Variants in NELL2 observed in about 807,000 individuals in gnomAD.
The protein encoded by NELL2 is protein kinase C-binding protein NELL2.
A neutral mutation model predicts 109.6 loss-of-function variants in NELL2; 41 were observed. That is an observed-to-expected ratio of 0.37 (90% CI 0.29 to 0.49). NELL2 has a LOEUF of 0.49. Among genes scored for constraint, NELL2 ranks in the 20% least tolerant of loss-of-function variants. The pLI, the probability that NELL2 is intolerant of heterozygous loss-of-function variation, is 0.98. For missense variants in NELL2, 900 were observed against 1,008.3 expected (o/e 0.89, Z 1.45); for synonymous variants, 355 against 344.7 (o/e 1.03, Z -0.33).
chr12:44,608,016 G>A (rs1307033705), intron 14 of NELL2, among the ~76,000 whole-genome samples: 1 of 152,056 alleles, frequency 6.6e-6, no homozygotes, highest in African/African-American at 2.4e-5. Context: ...ATAAAAGAAG[G>A]AGAGAAGAGC....
At chr12:44,876,657 C>T, upstream of NELL2, 1 of 1,551,354 alleles carries the variant, frequency 6.4e-7, no homozygotes, top group Non-Finnish European at 8.7e-7. Context: ...AAAAGACCAC[C>T]CAGCTGCAGG....
At chr12:44,817,602 T>C (rs1001438248) in intron 2 of NELL2, among the ~76,000 whole-genome samples, 1 of 151,872 alleles carries the variant, frequency 6.6e-6, no homozygotes, top group African/African-American at 2.4e-5. Flanking sequence ...ATACCAGACA[T>C]AGGAAAAGCT....
chr12:44,749,743 G>A lies in NELL2; in HGVS notation c.994+25004C>T, dbSNP rs563326137. 1.3e-3 allele frequency among the ~76,000 whole-genome samples: 195 copies of A among 152,246 alleles called. 1 individual carries two copies. Among genetic ancestry groups the A allele is most frequent in the African/African-American group, 4.2e-3 (175 of 41,546 alleles). On this transcript the variant is annotated intron_variant, in intron 9 of 19. Coordinates refer to ENST00000429094, the MANE Select transcript of NELL2 (RefSeq NM_001145108.2). Reference sequence around the variant, plus strand: ...GGCGTTCTTACAGCAATGGCAAACTGTGACATGAGAAGAGAAGAGGTGATG... The same window carrying A: ...GGCGTTCTTACAGCAATGGCAAACTATGACATGAGAAGAGAAGAGGTGATG...
intron 15 of NELL2, among the ~76,000 whole-genome samples, chr12:44,584,723 T>C (rs1389355054): frequency 6.6e-6 from 1 of 152,192 alleles, no homozygotes; most frequent in Non-Finnish European, 1.5e-5. Flanking sequence ...AAATCCATGT[T>C]GCTATAAATT....
chr12:44,844,413 C>A (rs978883612), intron 2 of NELL2, among the ~76,000 whole-genome samples: 2 of 152,150 alleles, frequency 1.3e-5, no homozygotes, highest in Non-Finnish European at 2.9e-5. Context: ...AAAAACATTA[C>A]GGAGAACAAA....
chr12:44,815,468 GAGGAATTC>G (rs1313122468), intron 3 of NELL2, among the ~76,000 whole-genome samples: 3 of 152,190 alleles, frequency 2.0e-5, no homozygotes, highest in Non-Finnish European at 4.4e-5. Flanking sequence ...TATACCTCTT[GAGGAATTC>G]AGTAATGAAT....
At chr12:44,875,379 G>C in intron 1 of NELL2, 26 bp from the exon 2 acceptor site, 2 of 1,613,872 alleles carry the variant, frequency 1.2e-6, no homozygotes, top group Non-Finnish European at 1.7e-6. Flanking sequence ...AGGTGGGAGA[G>C]AGAAAAAGGA....
Position 44,681,958 on chromosome 12 carries a change from C to G in NELL2, c.1319-16349G>C, listed in dbSNP as rs370623542. ...AGTAATGGGATGGCTGGGTCAAATG[C>G]TATTTCTAGTTCTAGATCCCTGAGG... On this transcript the variant is annotated intron_variant, in intron 12 of 19. Coordinates refer to ENST00000429094, the MANE Select transcript of NELL2 (RefSeq NM_001145108.2). Among the ~76,000 whole-genome samples, 137 of 151,788 alleles carry G rather than the reference C, an allele frequency of 9.0e-4. 1 individual carries two copies. Among genetic ancestry groups the G allele is most frequent in the African/African-American group, 2.7e-3 (112 of 41,120 alleles).
intron 15 of NELL2, among the ~76,000 whole-genome samples, chr12:44,550,488 G>A (rs1389449867): frequency 2.0e-5 from 3 of 149,634 alleles, no homozygotes; most frequent in Non-Finnish European, 4.4e-5. Context: ...AGGTTGCAGA[G>A]AGCTGAGACT....
chr12:44,711,251 T>G, intron 11 of NELL2, 41 bp downstream of exon 11: 1 of 1,419,042 alleles, frequency 7.0e-7, no homozygotes, highest in Non-Finnish European at 1.0e-6. Context: ...CCTACTATAA[T>G]AACTCTTGCA....
intron 15 of NELL2, among the ~76,000 whole-genome samples, chr12:44,535,067 T>C (rs1233607544): frequency 6.6e-6 from 1 of 152,034 alleles, no homozygotes; most frequent in Non-Finnish European, 1.5e-5. Context: ...ATATACTCCA[T>C]AAAGTTTAAT....
rs537489514 is a variant in NELL2 at position 44,893,212 on chromosome 12, T to C, written c.39-17312A>G. Among the ~76,000 whole-genome samples the C allele has an allele frequency of 7.8e-4, 119 of 152,312 alleles. 1 individual carries two copies. The highest frequency in any genetic ancestry group is 6.8e-3 in the Middle Eastern group (2 of 294). On this transcript the variant is annotated intron_variant, in intron 1 of 20. Transcript: ENST00000333837. ...GCCTCTGGCAGACCCAGGAATTTCC[T>C]GGTTTGTGGCAGCAGAACTCCAATC...
At chr12:44,660,814 G>T (rs1228079088) in intron 13 of NELL2, among the ~76,000 whole-genome samples, 1 of 152,128 alleles carries the variant, frequency 6.6e-6, no homozygotes, top group African/African-American at 2.4e-5. Flanking sequence ...TCTTCACTCA[G>T]ATCTTTACTC....
chr12:44,910,801 C>T (rs1281625505), intron 1 of NELL2, among the ~76,000 whole-genome samples: 3 of 151,812 alleles, frequency 2.0e-5, no homozygotes, highest in Admixed American at 6.6e-5. Context: ...CCATGTTCTT[C>T]GCAGCAATAT....
At chr12:44,736,812 T>TAAAATGTAGTTA (rs1939677763) in intron 9 of NELL2, among the ~76,000 whole-genome samples, 6 of 152,112 alleles carry the variant, frequency 3.9e-5, no homozygotes, top group African/African-American at 1.4e-4. Context: ...TTAGTCTCCC[T>TAAAATGTAGTTA]CATGAAGTTA....
At chr12:44,682,871 CT>C (rs1948573608) in intron 12 of NELL2, among the ~76,000 whole-genome samples, 1 of 152,172 alleles carries the variant, frequency 6.6e-6, no homozygotes, top group South Asian at 2.1e-4. Flanking sequence ...CAGCTTTGTT[CT>C]TTTGGCTTAG....
rs146965295 is a variant in NELL2, at chr12:44,645,536, C to T, written c.1444+19948G>A. 1.1e-3 allele frequency among the ~76,000 whole-genome samples: 172 copies of T among 152,084 alleles called. 1 individual carries two copies. The highest frequency in any genetic ancestry group is 2.0e-3 in the Admixed American group (30 of 15,270). On this transcript the variant is annotated intron_variant, in intron 13 of 19. Transcript: ENST00000429094. ...ATGGTGTTAGCAAATGGGTGGTGAA[C>T]GAGGCAAAAGTGGGTAAAATTGGGA... is the stretch of plus-strand genomic sequence containing the variant.
chr12:44,778,814 A>G (rs1214753717), intron 5 of NELL2, among the ~76,000 whole-genome samples: 1 of 152,230 alleles, frequency 6.6e-6, no homozygotes, highest in African/African-American at 2.4e-5. Context: ...GGAATCATAT[A>G]TTTCAAGTAT....
intron 9 of NELL2, among the ~76,000 whole-genome samples, chr12:44,737,594 A>G (rs1429946026): frequency 2.6e-5 from 4 of 152,146 alleles, no homozygotes; most frequent in East Asian, 3.9e-4. Context: ...TGGTAAATAC[A>G]TAAGTCCAGC....
Sources: gnomAD v4.1 joint callset for allele counts (sites outside exome capture counted in the v4.1 genomes callset) on GRCh38, gnomAD v4.1.1 for gene constraint, MANE v1.5 for transcripts, NCBI Gene and HGNC (gene_info 2026-07-23, HGNC 2026-07-21) for gene names.